Variants in PARD3B observed in about 807,000 individuals in gnomAD.
PARD3B encodes the protein par-3 family cell polarity regulator beta, also known as partitioning defective 3 homolog B.
A neutral mutation model predicts 130.2 loss-of-function variants in PARD3B; 103 were observed. The ratio of observed to expected loss-of-function variants is 0.79; its 90% CI spans 0.67 to 0.93. The LOEUF (loss-of-function observed/expected upper bound fraction) is 0.93. Among genes scored for constraint, PARD3B ranks in the 40% least tolerant of loss-of-function variants. PARD3B has a pLI of 0.00. For missense variants in PARD3B, 1,609 were observed against 1,499.2 expected, an observed-to-expected ratio of 1.07 and a Z score of -1.21; for synonymous variants, 583 against 553.2, an observed-to-expected ratio of 1.05 and a Z score of -0.76.
At chr2:204,597,404 T>G (rs1263797665) in intron 1 of PARD3B, among the ~76,000 whole-genome samples, 4 of 152,186 alleles carry the variant, frequency 2.6e-5, no homozygotes, top group Non-Finnish European at 5.9e-5. Flanking sequence ...AAAATGCTTT[T>G]TAAATTTTCT....
At position 205,176,727 on chromosome 2, in the gene PARD3B, G is replaced by A. The variant is rs1576078359; in HGVS notation, c.1924+150G>A. On this transcript the variant is annotated intron_variant, in intron 13 of 22. Coordinates refer to ENST00000406610, the MANE Select transcript of PARD3B (RefSeq NM_001302769.2). This position sits in a 1 kb window ranked among gnomAD's most constrained non-coding sequence, Gnocchi z 5.3. ...GGAGTCACAAACACTGAGAGAGTTG[G>A]GGGAGAGCTGACTCAGAACTTGTGA... 1.1e-6 allele frequency: 1 copy of A among 875,854 alleles called. No homozygotes were observed. The highest frequency in any genetic ancestry group is 3.1e-5 in the East Asian group (1 of 32,652). 54.3% of individuals were successfully genotyped at this position (875,854 alleles called of 1,614,324 possible).
chr2:205,494,903 C>G (rs2049868123), intron 20 of PARD3B, among the ~76,000 whole-genome samples: 1 of 152,168 alleles, frequency 6.6e-6, no homozygotes, highest in Non-Finnish European at 1.5e-5. Flanking sequence ...ACAGATTTGA[C>G]TGAGGCTTAA....
intron 3 of PARD3B, among the ~76,000 whole-genome samples, chr2:204,974,777 A>C (rs193242132): frequency 6.6e-6 from 1 of 152,348 alleles, no homozygotes; most frequent in Admixed American, 6.5e-5. Context: ...ATTGGTCTTA[A>C]CGATACAGTT....
intron 12 of PARD3B, among the ~76,000 whole-genome samples, chr2:205,174,230 C>T (rs1333023972): frequency 6.6e-6 from 1 of 152,180 alleles, no homozygotes; most frequent in African/African-American, 2.4e-5. Context: ...GTATGAAACT[C>T]TCATTTGTTG....
intron 2 of PARD3B, among the ~76,000 whole-genome samples, chr2:204,743,561 C>T (rs991916036): frequency 1.3e-5 from 2 of 152,076 alleles, no homozygotes; most frequent in Admixed American, 6.6e-5. Flanking sequence ...GCTTTAATGG[C>T]GTTGTAAAAA....
chr2:205,365,054 G>A (rs530816020), intron 18 of PARD3B, among the ~76,000 whole-genome samples: 1 of 152,146 alleles, frequency 6.6e-6, no homozygotes, highest in Non-Finnish European at 1.5e-5. Flanking sequence ...ACAAAAATTA[G>A]CCAGGCATGG....
chr2:204,836,996 C>A (rs1364361069), intron 2 of PARD3B, among the ~76,000 whole-genome samples: 1 of 152,160 alleles, frequency 6.6e-6, no homozygotes, highest in Non-Finnish European at 1.5e-5. Flanking sequence ...AAGGCCTCTA[C>A]AGAAACAGTA....
chr2:205,171,050 A>G (rs761138203), intron 11 of PARD3B, among the ~76,000 whole-genome samples: 9 of 152,198 alleles, frequency 5.9e-5, no homozygotes, highest in Non-Finnish European at 5.9e-5. Context: ...ATGTTTCTGA[A>G]AATATAAATC....
chr2:204,783,437 A>G (rs1195451179), intron 2 of PARD3B, among the ~76,000 whole-genome samples: 1 of 152,008 alleles, frequency 6.6e-6, no homozygotes, highest in Non-Finnish European at 1.5e-5. Context: ...CCCCACCCAT[A>G]TTACTTCATT....
intron 10 of PARD3B, among the ~76,000 whole-genome samples, chr2:205,137,482 C>T (rs996120169): frequency 6.6e-6 from 1 of 152,214 alleles, no homozygotes; most frequent in Admixed American, 6.5e-5. Context: ...AAAAACCCAT[C>T]AGATGTGAAT....
At chr2:205,217,762 G>A (rs2037995327) in intron 15 of PARD3B, among the ~76,000 whole-genome samples, 1 of 148,228 alleles carries the variant, frequency 6.7e-6, no homozygotes, top group Admixed American at 6.8e-5. Flanking sequence ...ATATATGTGT[G>A]TAGATAAGTA....
intron 3 of PARD3B, among the ~76,000 whole-genome samples, chr2:204,994,509 C>A: frequency 7.6e-6 from 1 of 131,394 alleles, no homozygotes; most frequent in Non-Finnish European, 1.6e-5. Context: ...AGTATGTGGT[C>A]AATTTTGGAA....
chr2:204,730,323 C>T (rs1010218430), intron 2 of PARD3B, among the ~76,000 whole-genome samples: 1 of 152,118 alleles, frequency 6.6e-6, no homozygotes, highest in Non-Finnish European at 1.5e-5. Flanking sequence ...CCCATCTTGG[C>T]CTCCCAAAGT....
In PARD3B at chr2:205,281,324, G is replaced by A. The variant is rs2041179922; in HGVS notation, c.2186-19206G>A. Among the ~76,000 whole-genome samples the A allele has an allele frequency of 6.6e-6, 1 of 152,148 alleles. No homozygotes were observed. Among genetic ancestry groups the A allele is most frequent in the Non-Finnish European group, 1.5e-5 (1 of 68,024 alleles). On this transcript the variant is annotated intron_variant, in intron 16 of 22. Coordinates refer to ENST00000406610, the MANE Select transcript of PARD3B (RefSeq NM_001302769.2). The surrounding 1 kb of genome is among the most constrained non-coding windows in gnomAD (Gnocchi z 4.2). ...TTTGAAAATTAGAAACAGAATACCA[G>A]GTAATCATAGAGCAAGGTGGAGCCA...
Position 205,591,878 on chromosome 2 carries a change from A to G in PARD3B, c.3261-23578A>G, listed in dbSNP as rs1303998518. On this transcript the variant is annotated intron_variant, in intron 22 of 22. Coordinates refer to ENST00000406610, the MANE Select transcript of PARD3B (RefSeq NM_001302769.2). This position sits in a 1 kb window ranked among gnomAD's most constrained non-coding sequence, Gnocchi z 4.2. ...CAAAGCCTGAGAAAGAATCTCATAA[A>G]AGACAAAGGCAAAGGTTCTGTTGGC... Among the ~76,000 whole-genome samples, 5 of 152,208 alleles carry G rather than the reference A, an allele frequency of 3.3e-5. No individual in the cohort carries two copies. Among genetic ancestry groups the G allele is most frequent in the Non-Finnish European group, 7.3e-5 (5 of 68,032 alleles).
In PARD3B at chr2:205,128,520, C is replaced by T. The variant is rs546822878; in HGVS notation, c.1434+2783C>T. On this transcript the variant is annotated intron_variant, in intron 10 of 22. Coordinates refer to ENST00000406610, the MANE Select transcript of PARD3B (RefSeq NM_001302769.2). The surrounding 1 kb of genome is among the most constrained non-coding windows in gnomAD (Gnocchi z 4.5). ...ATTCAACTTCTGTATCCACCACTTA[C>T]TAGCTGTGTGATGTAGAGCCATTCG... 6.6e-6 allele frequency among the ~76,000 whole-genome samples: 1 copy of T among 152,330 alleles called. No homozygotes were observed. The highest frequency in any genetic ancestry group is 2.1e-4 in the South Asian group (1 of 4,830).
chr2:204,553,105 AT>A (rs2030587040), intron 1 of PARD3B, among the ~76,000 whole-genome samples: 2 of 152,214 alleles, frequency 1.3e-5, no homozygotes, highest in Admixed American at 1.3e-4. Flanking sequence ...AAGGACATGA[AT>A]AGACAATTCT....
At chr2:205,047,734 C>T (rs55717502) in intron 4 of PARD3B, 44 bp downstream of exon 4, 3 of 1,392,412 alleles carry the variant, frequency 2.2e-6, no homozygotes, top group Non-Finnish European at 3.0e-6. Flanking sequence ...GATCAAAGTG[C>T]TGTACCCATA....
chr2:205,334,887 A>G (rs1041663872), intron 18 of PARD3B, among the ~76,000 whole-genome samples: 18 of 152,232 alleles, frequency 1.2e-4, no homozygotes, highest in Non-Finnish European at 1.5e-5. Flanking sequence ...TCTTTTACCT[A>G]AGGCAGATGT....
Sources: allele counts gnomAD v4.1 joint callset (sites outside exome capture counted in the v4.1 genomes callset), GRCh38; gene constraint gnomAD v4.1.1; non-coding constraint Gnocchi (gnomAD v3.1); transcripts MANE v1.5; gene names NCBI Gene and HGNC (gene_info 2026-07-23, HGNC 2026-07-21).